The following MYT1L variants were observed in gnomAD, a reference collection of about 807,000 sequenced individuals.
MYT1L encodes myelin transcription factor 1 like, also known as myelin transcription factor 1-like protein.
A neutral mutation model predicts 126.7 loss-of-function variants in MYT1L; 12 were observed. That is an observed-to-expected ratio of 0.09 (90% confidence interval 0.06 to 0.15). The LOEUF (loss-of-function observed/expected upper bound fraction) is 0.15. MYT1L is among the 10% of genes least tolerant of loss of function. MYT1L has a pLI of 1.00. For synonymous variants in MYT1L, 541 were observed against 604.2 expected, an observed-to-expected ratio of 0.90 and a Z score of 1.53; for missense variants, 979 against 1,585.2, an observed-to-expected ratio of 0.62 and a Z score of 6.49.
At chr2:1,839,755 A>G (rs185097046) in intron 20 of MYT1L, among the ~76,000 whole-genome samples, 2 of 152,382 alleles carry the variant, frequency 1.3e-5, no homozygotes, top group Non-Finnish European at 2.9e-5. Context: ...TGCAACGTCA[A>G]TAAGATGTCG....
At chr2:2,299,252 C>T (rs2095747559) in intron 1 of MYT1L, among the ~76,000 whole-genome samples, 1 of 152,228 alleles carries the variant, frequency 6.6e-6, no homozygotes, top group Admixed American at 6.5e-5. Flanking sequence ...TAAGGGGGAG[C>T]ACCCATCAAT....
intron 3 of MYT1L, among the ~76,000 whole-genome samples, chr2:2,087,912 G>C (rs2076515634): frequency 6.6e-6 from 1 of 152,246 alleles, no homozygotes; most frequent in African/African-American, 2.4e-5. Context: ...GTCTACTGGG[G>C]CTCCATAGCC....
chr2:2,107,299 T>TG (rs1387544473), intron 3 of MYT1L, among the ~76,000 whole-genome samples: 1 of 152,236 alleles, frequency 6.6e-6, no homozygotes, highest in African/African-American at 2.4e-5. Context: ...ATGGCCCACT[T>TG]GCCAAACCTG....
At chr2:1,798,894 CACATTGTT>C (rs1307642681) in intron 23 of MYT1L, among the ~76,000 whole-genome samples, 1 of 152,202 alleles carries the variant, frequency 6.6e-6, no homozygotes, top group Non-Finnish European at 1.5e-5. Context: ...GCTGTGGGCG[CACATTGTT>C]TTCTGGTAAG....
chr2:1,952,741 T>C (rs1228074891), intron 8 of MYT1L, among the ~76,000 whole-genome samples: 6 of 420 alleles, frequency 0.014, no homozygotes, highest in Non-Finnish European at 0.021. Flanking sequence ...CCCTCCTTCC[T>C]TCCCTTCCCT....
intron 9 of MYT1L, among the ~76,000 whole-genome samples, chr2:1,932,785 G>A (rs1376882464): frequency 6.6e-6 from 1 of 152,176 alleles, no homozygotes; most frequent in African/African-American, 2.4e-5. Context: ...CCAGGGTTGT[G>A]TGCCTGAAGC....
chr2:2,118,404 A>T (rs1011351390), intron 3 of MYT1L, among the ~76,000 whole-genome samples: 3 of 152,222 alleles, frequency 2.0e-5, no homozygotes, highest in African/African-American at 7.2e-5. Flanking sequence ...GTGCATAAAC[A>T]CTGATATTAA....
At chr2:2,282,808 T>C (rs577805504) in intron 2 of MYT1L, among the ~76,000 whole-genome samples, 2 of 152,298 alleles carry the variant, frequency 1.3e-5, no homozygotes, top group South Asian at 4.1e-4. Flanking sequence ...GGCACAGTGG[T>C]TCACACCTGT....
At chr2:1,865,552 TA>T (rs2045349980) in intron 18 of MYT1L, among the ~76,000 whole-genome samples, 2 of 152,238 alleles carry the variant, frequency 1.3e-5, no homozygotes, top group South Asian at 2.1e-4. Context: ...AAGAACTAAA[TA>T]AAGTGCAGAG....
In MYT1L at chr2:1,933,097, A is replaced by G. The variant is rs541021583; in HGVS notation, c.506-9834T>C. Among the ~76,000 whole-genome samples the G allele has an allele frequency of 5.9e-5, 9 of 151,976 alleles. No individual in the cohort carries two copies. The South Asian group carries it at 1.9e-3, about 32-fold the overall frequency. On this transcript the variant is annotated intron_variant, in intron 9 of 24. Transcript: ENST00000647738. ...TTCTCATCATCCTGTGGATGAAGGG[A>G]TGGATCTGAGGAGGAGTTCAAGGTC...
intron 9 of MYT1L, among the ~76,000 whole-genome samples, chr2:1,934,343 A>G (rs2055532740): frequency 1.4e-5 from 2 of 144,010 alleles, no homozygotes; most frequent in Admixed American, 1.4e-4. Context: ...ATATGTATTC[A>G]TATGACATGT....
At chr2:1,989,286 G>T (rs2061296149) in intron 5 of MYT1L, among the ~76,000 whole-genome samples, 1 of 152,152 alleles carries the variant, frequency 6.6e-6, no homozygotes, top group Non-Finnish European at 1.5e-5. Flanking sequence ...AGGCAAGGGA[G>T]CAGCTGAGAG....
chr2:1,952,711 C>CTTCT (rs1176242098), intron 8 of MYT1L, among the ~76,000 whole-genome samples: 7 of 55,618 alleles, frequency 1.3e-4, no homozygotes, highest in Non-Finnish European at 1.6e-4. Flanking sequence ...TCTTCCTTCC[C>CTTCT]TTCCCTCCTT....
At chr2:2,181,633 T>C (rs1309136871) in intron 2 of MYT1L, among the ~76,000 whole-genome samples, 1 of 152,008 alleles carries the variant, frequency 6.6e-6, no homozygotes, top group African/African-American at 2.4e-5. Flanking sequence ...TGTGACAGAG[T>C]TGACCACGTG....
chr2:1,986,947 A>G (rs2149533774), intron 5 of MYT1L, among the ~76,000 whole-genome samples: 1 of 152,348 alleles, frequency 6.6e-6, no homozygotes, highest in Non-Finnish European at 1.5e-5. Flanking sequence ...CCAGAACTTC[A>G]GAGGAAACAT....
chr2:2,224,300 A>G lies in MYT1L; in HGVS notation c.-420-51312T>C, dbSNP rs888627. Among the ~76,000 whole-genome samples the G allele has an allele frequency of 0.72, 109,151 of 151,868 alleles. 39,478 individuals carry two copies. Among genetic ancestry groups the G allele is most frequent in the East Asian group, 0.79 (4,015 of 5,114 alleles). ...GCAGGGTGTGACAGCAACAGATGGC[A>G]CCCAGAAAGGAGGCGTGGCGAGACC... On this transcript the variant is annotated intron_variant, in intron 2 of 24. Transcript: ENST00000647738. The surrounding 1 kb of genome is among the most constrained non-coding windows in gnomAD (Gnocchi z 4.0).
chr2:2,238,314 A>G (rs1273900528), intron 2 of MYT1L, among the ~76,000 whole-genome samples: 1 of 152,170 alleles, frequency 6.6e-6, no homozygotes, highest in Non-Finnish European at 1.5e-5. Context: ...TCTTTAATCT[A>G]GAAAATGAAG....
intron 3 of MYT1L, among the ~76,000 whole-genome samples, chr2:2,056,542 T>C (rs544571835): frequency 1.4e-4 from 22 of 152,306 alleles, no homozygotes; most frequent in Middle Eastern, 3.4e-3. Context: ...CTTTTAACAA[T>C]AGGTCCTCAC....
At chr2:2,287,773 T>G (rs1389376091) in intron 1 of MYT1L, among the ~76,000 whole-genome samples, 5 of 152,376 alleles carry the variant, frequency 3.3e-5, no homozygotes, top group African/African-American at 1.2e-4. Context: ...GTTATTTCTG[T>G]GTGGATATCA....
Sources: gnomAD v4.1 joint callset for allele counts (sites outside exome capture counted in the v4.1 genomes callset) on GRCh38, gnomAD v4.1.1 for gene constraint, Gnocchi (gnomAD v3.1) non-coding constraint, MANE v1.5 for transcripts, NCBI Gene and HGNC (gene_info 2026-07-23, HGNC 2026-07-21) for gene names.